SPATS2L: variants seen among roughly 807,000 people sequenced by gnomAD.
SPATS2L encodes SPATS2-like protein.
A neutral mutation model predicts 59.6 loss-of-function variants in SPATS2L; 30 were observed. The observed-to-expected ratio is 0.50, with a 90% confidence interval of 0.38 to 0.68. SPATS2L has a LOEUF of 0.68. Among genes scored for constraint, SPATS2L ranks in the 30% least tolerant of loss-of-function variants. The probability of loss-of-function intolerance (pLI) is 0.00; values close to 1 mark genes in which losing one functional copy is unlikely to be tolerated. For synonymous variants in SPATS2L, 252 were observed against 263.5 expected (o/e 0.96, Z 0.42); for missense variants, 615 against 700.0 (o/e 0.88, Z 1.37).
chr2:200,412,377 T>C lies in SPATS2L; in HGVS notation c.106T>C (p.Phe36Leu). The C allele has an allele frequency of 6.2e-7, 1 of 1,609,420 alleles. No homozygotes were observed. The highest frequency in any genetic ancestry group is 8.5e-7 in the Non-Finnish European group (1 of 1,177,828). Residue 36 changes from phenylalanine (F) to leucine (L), a missense_variant, in exon 4 of 13, where the codon TTT (phenylalanine) becomes CTT (leucine). Phe to Leu is a conservative substitution (Grantham distance 22). Transcript: ENST00000409140. ...NNEIVLVLQQ[F>L]DFNVDKAVQA... ...TGAAATAGTCCTGGTGCTCCAACAG[T>C]TTGATTTTAATGTGGATAAAGCCGT...
chr2:200,427,743 CCTGT>C (rs2083661769), intron 6 of SPATS2L, among the ~76,000 whole-genome samples: 1 of 152,148 alleles, frequency 6.6e-6, no homozygotes, highest in African/African-American at 2.4e-5. Context: ...GCTGCATAAA[CCTGT>C]CTATTTTGGT....
chr2:200,362,298 AT>A (rs1270955848), intron 2 of SPATS2L, among the ~76,000 whole-genome samples: 2 of 152,160 alleles, frequency 1.3e-5, no homozygotes, highest in East Asian at 3.9e-4. Flanking sequence ...TGGATTAAAT[AT>A]TAGTTTTGTT....
chr2:200,406,500 A>G lies in SPATS2L; in HGVS notation c.40-5811A>G, dbSNP rs1033967875. 2.0e-5 allele frequency among the ~76,000 whole-genome samples: 3 copies of G among 151,966 alleles called. No homozygotes were observed. In the South Asian group the frequency reaches 6.2e-4, roughly 32 times the overall value. ...AAAGTTAAAGGAGCAGGAAGGAGAG[A>G]AAGTGAGGCAGTTGCAAGTCCAGCC... is the stretch of plus-strand genomic sequence containing the variant. On this transcript the variant is annotated intron_variant, in intron 3 of 12. Transcript: ENST00000409140.
Position 200,439,199 on chromosome 2 carries a change from G to A in SPATS2L, c.523G>A (p.Asp175Asn). 6.2e-7 allele frequency: 1 copy of A among 1,613,776 alleles called. No individual in the cohort carries two copies. The highest frequency in any genetic ancestry group is 1.3e-5 in the African/African-American group (1 of 75,022). The change falls in exon 7 of 13, where the codon GAT becomes AAT. Residue 175 changes from aspartate (D) to asparagine (N), a missense_variant. Physicochemically the swap from Asp to Asn is conservative, Grantham distance 23. This residue lies in a region of SPATS2L where 227 missense variants were observed against 257.4 expected (regional missense o/e 0.88). Transcript: ENST00000409140. Reference sequence around the variant, plus strand: ...TATACATGGAACAACAGAGAGGTCAGATGGCCTACAGTGGTCAGCTGAGCA... The same window carrying A: ...TATACATGGAACAACAGAGAGGTCAAATGGCCTACAGTGGTCAGCTGAGCA... ...KPIHGTTERSDGLQWSAEQPC... is the reference protein window; with the variant it reads ...KPIHGTTERSNGLQWSAEQPC...
At chr2:200,400,688 TAGG>T (rs1386553972) in intron 3 of SPATS2L, among the ~76,000 whole-genome samples, 2 of 152,246 alleles carry the variant, frequency 1.3e-5, no homozygotes, top group African/African-American at 2.4e-5. Context: ...TTTTTTTAGA[TAGG>T]AGAGAAGTCC....
intron 2 of SPATS2L, among the ~76,000 whole-genome samples, chr2:200,388,340 G>A (rs929081958): frequency 3.3e-5 from 5 of 152,094 alleles, no homozygotes; most frequent in Non-Finnish European, 7.4e-5. Context: ...GGAGGCCGAA[G>A]TGGTAGGATC....
intron 3 of SPATS2L, among the ~76,000 whole-genome samples, chr2:200,410,527 C>G (rs2082841225): frequency 6.6e-6 from 1 of 152,164 alleles, no homozygotes; most frequent in Admixed American, 6.5e-5. Flanking sequence ...CTGGCTTCCT[C>G]TTGTACTCTA....
intron 5 of SPATS2L, among the ~76,000 whole-genome samples, chr2:200,417,184 G>A (rs193015641): frequency 1.9e-3 from 294 of 152,240 alleles, no homozygotes; most frequent in African/African-American, 6.7e-3. Context: ...GATATAGTAC[G>A]CCAGTCTACC....
intron 2 of SPATS2L, among the ~76,000 whole-genome samples, chr2:200,332,100 T>C (rs141961753): frequency 5.8e-4 from 88 of 152,252 alleles, no homozygotes; most frequent in African/African-American, 2.0e-3. Context: ...ATGCACAATA[T>C]TAGCCCTCAT....
chr2:200,375,785 C>G (rs970852366), intron 2 of SPATS2L, among the ~76,000 whole-genome samples: 2 of 152,136 alleles, frequency 1.3e-5, no homozygotes, highest in African/African-American at 4.8e-5. Context: ...TGCAACCACA[C>G]CTGGCTAATT....
chr2:200,367,027 A>G (rs1405190850), intron 2 of SPATS2L, among the ~76,000 whole-genome samples: 3 of 152,184 alleles, frequency 2.0e-5, no homozygotes, highest in Non-Finnish European at 2.9e-5. Context: ...TAGACTAAAC[A>G]CTTTTCAGAA....
chr2:200,316,932 C>T (rs991570932), intron 1 of SPATS2L, among the ~76,000 whole-genome samples: 1 of 152,176 alleles, frequency 6.6e-6, no homozygotes, highest in Admixed American at 6.5e-5. Context: ...TGCAGTCCCG[C>T]TGGTCTCTGA....
At chr2:200,414,066 T>G (rs191957599) in intron 4 of SPATS2L, among the ~76,000 whole-genome samples, 7 of 152,188 alleles carry the variant, frequency 4.6e-5, no homozygotes, top group Middle Eastern at 3.4e-3. Flanking sequence ...TAGGAAAGGG[T>G]AAAGGCTATT....
chr2:200,404,761 C>G (rs2105966905), intron 3 of SPATS2L, among the ~76,000 whole-genome samples: 1 of 152,266 alleles, frequency 6.6e-6, no homozygotes, highest in Non-Finnish European at 1.5e-5. Context: ...GGGCTGAACT[C>G]AAGGTACTGG....
intron 9 of SPATS2L, among the ~76,000 whole-genome samples, chr2:200,464,115 G>A (rs1194408866): frequency 6.6e-6 from 1 of 152,206 alleles, no homozygotes; most frequent in East Asian, 1.9e-4. Context: ...ATTTCTGAAA[G>A]CATGGTGCTT....
upstream of SPATS2L, chr2:200,306,428 C>G (rs2697940): frequency 6.0e-6 from 6 of 1,002,166 alleles, no homozygotes; most frequent in Non-Finnish European, 7.2e-6. Context: ...AGTGCGGAAG[C>G]TGTACTGGGA....
At chr2:200,342,467 C>T (rs951982850) in intron 2 of SPATS2L, among the ~76,000 whole-genome samples, 12 of 152,168 alleles carry the variant, frequency 7.9e-5, no homozygotes, top group East Asian at 5.8e-4. Flanking sequence ...CTTCCTCCTC[C>T]GTCTGATGCT....
intron 2 of SPATS2L, among the ~76,000 whole-genome samples, chr2:200,352,160 A>G (rs1216480140): frequency 6.6e-6 from 1 of 151,914 alleles, no homozygotes; most frequent in African/African-American, 2.4e-5. Context: ...GTAGTGCTGT[A>G]TTTGTATTCT....
At chr2:200,361,826 A>G (rs1337731135) in intron 2 of SPATS2L, among the ~76,000 whole-genome samples, 1 of 152,232 alleles carries the variant, frequency 6.6e-6, no homozygotes, top group Non-Finnish European at 1.5e-5. Flanking sequence ...TATTCAGCTT[A>G]AAAGAAAAAC....
Sources: gnomAD v4.1 joint callset for allele counts (sites outside exome capture counted in the v4.1 genomes callset) on GRCh38, gnomAD v4.1.1 for gene constraint, gnomAD v4.1.1 regional missense constraint, MANE v1.5 for transcripts, NCBI Gene and HGNC (gene_info 2026-07-23, HGNC 2026-07-21) for gene names.